Variants in TMED10 observed in about 807,000 individuals in gnomAD.
TMED10 encodes the protein transmembrane p24 trafficking protein 10.
In TMED10, 7 loss-of-function variants were observed where a neutral mutation model predicts 23.1. That is an observed-to-expected ratio of 0.30 (90% CI 0.17 to 0.57). The LOEUF (loss-of-function observed/expected upper bound fraction) is 0.57. TMED10 is among the 20% of genes least tolerant of loss of function. The probability of loss-of-function intolerance (pLI) is 0.91; values close to 1 mark genes in which losing one functional copy is unlikely to be tolerated. For synonymous variants in TMED10, 113 were observed against 106.9 expected, an observed-to-expected ratio of 1.06 and a Z score of -0.35; for missense variants, 162 against 274.8, an observed-to-expected ratio of 0.59 and a Z score of 2.90.
intron 1 of TMED10, among the ~76,000 whole-genome samples, chr14:75,169,493 A>G (rs890016579): frequency 1.3e-5 from 2 of 152,210 alleles, no homozygotes; most frequent in Non-Finnish European, 2.9e-5. Context: ...CCCCGTCTCT[A>G]CTAAAAATAC....
chr14:75,141,978 TAC>T (rs1895827783), intron 3 of TMED10, among the ~76,000 whole-genome samples: 2 of 152,206 alleles, frequency 1.3e-5, no homozygotes, highest in South Asian at 4.1e-4. Context: ...TATATCACAG[TAC>T]AAAAAGCTAA....
chr14:75,166,784 G>A (rs1896168470), intron 1 of TMED10, among the ~76,000 whole-genome samples: 1 of 152,074 alleles, frequency 6.6e-6, no homozygotes, highest in African/African-American at 2.4e-5. Context: ...TTATTGACCT[G>A]TTTCTAACCC....
chr14:75,157,063 T>C (rs560910149), intron 1 of TMED10, among the ~76,000 whole-genome samples: 59 of 152,252 alleles, frequency 3.9e-4, no homozygotes, highest in African/African-American at 1.3e-3. Context: ...TAACATCACA[T>C]AGAATGACTG....
intron 1 of TMED10, among the ~76,000 whole-genome samples, chr14:75,157,794 G>A (rs1896038348): frequency 1.3e-5 from 2 of 151,542 alleles, no homozygotes; most frequent in Non-Finnish European, 2.9e-5. Context: ...ACAAAAATTA[G>A]TTGGGCGTAG....
chr14:75,170,212 C>T (rs907351094), intron 1 of TMED10, among the ~76,000 whole-genome samples: 2 of 151,968 alleles, frequency 1.3e-5, no homozygotes, highest in Non-Finnish European at 2.9e-5. Flanking sequence ...TGGGTGAAAG[C>T]GAGACTCCAT....
intron 1 of TMED10, among the ~76,000 whole-genome samples, chr14:75,154,766 C>A (rs1041306268): frequency 6.6e-6 from 1 of 151,610 alleles, no homozygotes. Context: ...CGGGTTCAAG[C>A]GATTCTCCTG....
At chr14:75,146,908 CAGATAGATAGATAGAT>C (rs35810783) in intron 3 of TMED10, among the ~76,000 whole-genome samples, 1 of 149,484 alleles carries the variant, frequency 6.7e-6, no homozygotes, top group African/African-American at 2.5e-5. Flanking sequence ...ATCCATGCCC[CAGATAGATAGATAGAT>C]AGATAGATAG....
intron 1 of TMED10, among the ~76,000 whole-genome samples, chr14:75,170,219 C>A (rs894853232): frequency 6.6e-6 from 1 of 152,044 alleles, no homozygotes; most frequent in Non-Finnish European, 1.5e-5. Context: ...AAGCGAGACT[C>A]CATCTCAACA....
chr14:75,151,571 G>T (rs1258056964), intron 2 of TMED10, among the ~76,000 whole-genome samples: 1 of 152,132 alleles, frequency 6.6e-6, no homozygotes, highest in Non-Finnish European at 1.5e-5. Flanking sequence ...CAACAAAACT[G>T]AGAGGAAGGC....
At chr14:75,135,931 C>T (rs938264855) in intron 3 of TMED10, 45 bp from the exon 4 acceptor site, 2 of 1,600,570 alleles carry the variant, frequency 1.2e-6, no homozygotes, top group African/African-American at 1.4e-5. Flanking sequence ...AACATCGCTT[C>T]AGTCAAGAAC....
At chr14:75,145,935 A>C (rs1257700298) in intron 3 of TMED10, among the ~76,000 whole-genome samples, 1 of 152,202 alleles carries the variant, frequency 6.6e-6, no homozygotes, top group Non-Finnish European at 1.5e-5. Context: ...AAATCATTTT[A>C]CCTATTCTTC....
chr14:75,164,554 TATATATATATATATATATATATA>T (rs1423835409), intron 1 of TMED10, among the ~76,000 whole-genome samples: 129 of 2,140 alleles, frequency 0.06, 1 homozygote, highest in African/African-American at 0.091. Flanking sequence ...TATATATATA[TATATATATATATATATATATATA>T]TTTTTTTTTT....
At position 75,176,458 on chromosome 14, in the gene TMED10, C is replaced by G. The variant is rs1398563354; in HGVS notation, c.122G>C (p.Arg41Pro). 1.2e-6 allele frequency: 2 copies of G among 1,614,182 alleles called. No homozygotes were observed. The highest frequency in any genetic ancestry group is 1.7e-6 in the Non-Finnish European group (2 of 1,180,034). ...GTGAATCTCCTCACGGAGGCACTTGCGAGAGTTAATGGGCAGATGGAAGGA... is the reference window on the plus strand; with the variant it reads ...GTGAATCTCCTCACGGAGGCACTTGGGAGAGTTAATGGGCAGATGGAAGGA... The part of the protein sequence containing the change: ...AISFHLPINS[R>P]KCLREEIHKD... Residue 41 changes from arginine (R) to proline (P), a missense_variant, in exon 1 of 5, where the codon CGC becomes CCC. By Grantham distance (103) the Arg-to-Pro change is moderately radical (BLOSUM62 -2). Transcript: ENST00000303575.
intron 1 of TMED10, among the ~76,000 whole-genome samples, chr14:75,172,968 AATGAG>A (rs1423862774): frequency 6.6e-6 from 1 of 152,230 alleles, no homozygotes; most frequent in Non-Finnish European, 1.5e-5. Context: ...TGGTGAGGAC[AATGAG>A]ATCCATGGCC....
intron 1 of TMED10, among the ~76,000 whole-genome samples, chr14:75,175,423 A>C (rs537731958): frequency 6.6e-6 from 1 of 152,348 alleles, no homozygotes; most frequent in South Asian, 2.1e-4. Flanking sequence ...GGAAGGAATA[A>C]GGTTGCAGCG....
intron 1 of TMED10, among the ~76,000 whole-genome samples, chr14:75,165,047 T>C (rs1225536378): frequency 2.0e-5 from 3 of 152,080 alleles, no homozygotes; most frequent in Admixed American, 6.6e-5. Flanking sequence ...ACATTAGATA[T>C]GGCGGAAAGA....
At chr14:75,162,692 A>C (rs1041663537) in intron 1 of TMED10, among the ~76,000 whole-genome samples, 1 of 152,222 alleles carries the variant, frequency 6.6e-6, no homozygotes, top group African/African-American at 2.4e-5. Context: ...TGTATAGTGA[A>C]GAAACCTGAC....
chr14:75,135,332 T>C (rs1011737407), intron 4 of TMED10, among the ~76,000 whole-genome samples: 3 of 151,996 alleles, frequency 2.0e-5, no homozygotes, highest in African/African-American at 7.3e-5. Context: ...CCCAGCTACT[T>C]GGGAGGCTGA....
chr14:75,140,479 G>A (rs892154539), intron 3 of TMED10, among the ~76,000 whole-genome samples: 45 of 151,978 alleles, frequency 3.0e-4, no homozygotes, highest in African/African-American at 1.0e-3. Context: ...AGGCTGAAGC[G>A]GATGGATCAC....
Sources: gnomAD v4.1 joint callset for allele counts (sites outside exome capture counted in the v4.1 genomes callset) on GRCh38, gnomAD v4.1.1 for gene constraint, MANE v1.5 for transcripts, NCBI Gene and HGNC (gene_info 2026-07-23, HGNC 2026-07-21) for gene names.